CNOT2: variants seen among roughly 807,000 people sequenced by gnomAD.
CNOT2 encodes CCR4-NOT transcription complex subunit 2.
Under a neutral mutation model 72.1 loss-of-function variants are expected in CNOT2, and 7 were observed. That is an observed-to-expected ratio of 0.10 (90% CI 0.06 to 0.18). The LOEUF is 0.18. Among genes scored for constraint, CNOT2 ranks in the 10% least tolerant of loss-of-function variants. The pLI is 1.00. For missense variants in CNOT2, 345 were observed against 660.3 expected (o/e 0.52, Z 5.23); for synonymous variants, 196 against 225.6 (o/e 0.87, Z 1.17).
chr12:70,294,243 G>T, intron 2 of CNOT2: 1 of 1,289,372 alleles, frequency 7.8e-7, no homozygotes. Context: ...TCAGCCTCCA[G>T]CTCTGAGCTT....
intron 2 of CNOT2, among the ~76,000 whole-genome samples, chr12:70,305,942 A>G (rs1875285546): frequency 7.7e-6 from 1 of 129,798 alleles, no homozygotes; most frequent in Non-Finnish European, 1.6e-5. Flanking sequence ...GCTTTGAAAT[A>G]CTGTATTTAA....
intron 9 of CNOT2, 93 bp downstream of exon 9, chr12:70,337,606 AC>A: frequency 8.0e-7 from 1 of 1,255,592 alleles, no homozygotes; most frequent in Non-Finnish European, 1.1e-6. Flanking sequence ...CTATTACAAA[AC>A]TGTTTTATCT....
At chr12:70,314,810 C>T (rs545635140) in intron 3 of CNOT2, among the ~76,000 whole-genome samples, 1 of 151,956 alleles carries the variant, frequency 6.6e-6, no homozygotes, top group Non-Finnish European at 1.5e-5. Flanking sequence ...CTGTCTGCCT[C>T]CTCCCTTGCC....
chr12:70,277,886 G>C (rs943799738), intron 1 of CNOT2, among the ~76,000 whole-genome samples: 2 of 152,258 alleles, frequency 1.3e-5, no homozygotes, highest in African/African-American at 4.8e-5. Flanking sequence ...CCTTGTGTGT[G>C]ATGTCTGGCA....
At chr12:70,272,431 T>C (rs1275617420) in intron 1 of CNOT2, among the ~76,000 whole-genome samples, 1 of 152,118 alleles carries the variant, frequency 6.6e-6, no homozygotes, top group African/African-American at 2.4e-5. Context: ...GAGCAGCAAA[T>C]ATAAAGGCCC....
At chr12:70,327,245 A>G (rs77000192) in intron 4 of CNOT2, among the ~76,000 whole-genome samples, 14,501 of 151,914 alleles carry the variant, frequency 0.095, 891 homozygotes, top group Middle Eastern at 0.19. Context: ...GAAGAAAGAA[A>G]ACTGATAGGT....
intron 2 of CNOT2, among the ~76,000 whole-genome samples, chr12:70,302,740 T>C (rs1874303141): frequency 6.6e-6 from 1 of 152,232 alleles, no homozygotes; most frequent in Admixed American, 6.5e-5. Context: ...GTCCACTTGG[T>C]GCAGAGCTGA....
chr12:70,294,381 T>A, intron 2 of CNOT2: 2 of 818,152 alleles, frequency 2.4e-6, no homozygotes, highest in Non-Finnish European at 3.5e-6. Context: ...TATCAATGAG[T>A]CATTTTGTTA....
intron 1 of CNOT2, among the ~76,000 whole-genome samples, chr12:70,271,747 T>TA (rs1183268812): frequency 1.3e-5 from 2 of 152,162 alleles, no homozygotes; most frequent in Non-Finnish European, 2.9e-5. Context: ...GAAGGGCTTT[T>TA]AGAGTGTCAA....
intron 2 of CNOT2, among the ~76,000 whole-genome samples, chr12:70,293,685 C>T (rs934086710): frequency 4.6e-5 from 7 of 152,068 alleles, no homozygotes; most frequent in East Asian, 3.9e-4. Context: ...TCCACCTTTA[C>T]GAATTTTAAG....
At chr12:70,252,486 G>T (rs1323859366) in intron 1 of CNOT2, among the ~76,000 whole-genome samples, 24 of 152,004 alleles carry the variant, frequency 1.6e-4, no homozygotes, top group Non-Finnish European at 8.8e-5. Flanking sequence ...TGCTTTTATT[G>T]TATGCATTAT....
At chr12:70,347,096 G>A (rs999002167) in intron 15 of CNOT2, among the ~76,000 whole-genome samples, 1 of 151,918 alleles carries the variant, frequency 6.6e-6, no homozygotes, top group Admixed American at 6.6e-5. Flanking sequence ...TTCCATCAAT[G>A]ATTCTGAGGT....
chr12:70,326,623 A>G (rs1245242930), intron 4 of CNOT2, among the ~76,000 whole-genome samples: 3 of 151,810 alleles, frequency 2.0e-5, no homozygotes, highest in Non-Finnish European at 4.4e-5. Context: ...ATGACTTAGT[A>G]TATTTAGTTT....
intron 15 of CNOT2, among the ~76,000 whole-genome samples, chr12:70,347,429 A>G (rs1250439419): frequency 6.6e-6 from 1 of 151,974 alleles, no homozygotes; most frequent in Non-Finnish European, 1.5e-5. Context: ...TCAGGAGATC[A>G]AGACCATCCT....
chr12:70,268,356 T>A (rs1959147740), intron 1 of CNOT2, among the ~76,000 whole-genome samples: 1 of 152,250 alleles, frequency 6.6e-6, no homozygotes, highest in South Asian at 2.1e-4. Context: ...TTCTCTTGTC[T>A]CTTTGACATT....
chr12:70,277,345 T>C (rs1479423844), intron 1 of CNOT2, among the ~76,000 whole-genome samples: 1 of 152,180 alleles, frequency 6.6e-6, no homozygotes, highest in Non-Finnish European at 1.5e-5. Context: ...TCACCTCAGC[T>C]TCAGTGCTTT....
chr12:70,256,208 G>C (rs1261564740), intron 1 of CNOT2, among the ~76,000 whole-genome samples: 3 of 152,078 alleles, frequency 2.0e-5, no homozygotes, highest in African/African-American at 7.2e-5. Flanking sequence ...AAAATATCAA[G>C]ACAAGGCAAA....
At chr12:70,296,683 G>T (rs1476745641) in intron 2 of CNOT2, among the ~76,000 whole-genome samples, 7 of 150,374 alleles carry the variant, frequency 4.7e-5, no homozygotes, top group Admixed American at 4.0e-4. Flanking sequence ...AGATTTCCAG[G>T]TATTAATATC....
intron 2 of CNOT2, among the ~76,000 whole-genome samples, chr12:70,286,873 T>A (rs1272214800): frequency 6.6e-6 from 1 of 152,146 alleles, no homozygotes; most frequent in Non-Finnish European, 1.5e-5. Flanking sequence ...TATATTTTTT[T>A]CATAAGGGAC....
Sources: allele counts gnomAD v4.1 joint callset (sites outside exome capture counted in the v4.1 genomes callset), GRCh38; gene constraint gnomAD v4.1.1; transcripts MANE v1.5; gene names NCBI Gene and HGNC (gene_info 2026-07-23, HGNC 2026-07-21).